DCTN5: variants seen among roughly 807,000 people sequenced by gnomAD.
DCTN5 encodes the protein dynactin subunit 5, also known as dynactin 4.
DCTN5 carries 14 observed loss-of-function variants against 23.5 expected under a neutral mutation model. That is an observed-to-expected ratio of 0.60 (90% confidence interval 0.39 to 0.93). The LOEUF is 0.93. Ranked by LOEUF, DCTN5 falls within the 40% of genes least tolerant of loss-of-function variation. The pLI, the probability that DCTN5 is intolerant of heterozygous loss-of-function variation, is 0.00. For missense variants in DCTN5, 156 were observed against 225.9 expected (o/e 0.69, Z 1.98); for synonymous variants, 67 against 79.6 (o/e 0.84, Z 0.84).
chr16:23,648,257 C>A (rs1202871545), intron 2 of DCTN5, among the ~76,000 whole-genome samples: 1 of 151,830 alleles, frequency 6.6e-6, no homozygotes, highest in African/African-American at 2.4e-5. Flanking sequence ...CCAGGCCAGG[C>A]TCAGGCGAAC....
At chr16:23,646,422 G>C (rs2140972729) in intron 2 of DCTN5, among the ~76,000 whole-genome samples, 1 of 152,172 alleles carries the variant, frequency 6.6e-6, no homozygotes, top group East Asian at 1.9e-4. Flanking sequence ...TAATTTTGAA[G>C]TCTGGTTTAT....
At chr16:23,652,750 A>G (rs1967628320) in intron 2 of DCTN5, among the ~76,000 whole-genome samples, 1 of 152,222 alleles carries the variant, frequency 6.6e-6, no homozygotes, top group Admixed American at 6.5e-5. Flanking sequence ...AATTAGAATC[A>G]CAAGCCCTTT....
chr16:23,655,538 G>T (rs571222918), intron 2 of DCTN5, among the ~76,000 whole-genome samples: 1 of 151,320 alleles, frequency 6.6e-6, no homozygotes, highest in Admixed American at 6.6e-5. Context: ...ACCATGCCCT[G>T]CTTAATTTTT....
In DCTN5 at chr16:23,665,640, G is replaced by C; in HGVS notation, c.363G>C (p.Val121=). Reference sequence around the variant, plus strand: ...TTTAATTTCAGGGGCGCCGATGTGTGTTGAAAGACTGCTGCAAAATTCTTG... The same window carrying C: ...TTTAATTTCAGGGGCGCCGATGTGTCTTGAAAGACTGCTGCAAAATTCTTG... The part of the protein sequence containing the change: ...GKNCVIGRRC[V]LKDCCKILDN... Residue 121 remains valine, a synonymous_variant, in exon 5 of 6, where the codon GTG becomes GTC. Transcript: ENST00000300087. The C allele has an allele frequency of 6.2e-7, 1 of 1,613,716 alleles. No individual in the cohort carries two copies. Among genetic ancestry groups the C allele is most frequent in the Non-Finnish European group, 8.5e-7 (1 of 1,179,948 alleles).
At position 23,667,355 on chromosome 16, in the gene DCTN5, T is replaced by G; in HGVS notation, c.*211T>G. 6.7e-6 allele frequency: 4 copies of G among 599,292 alleles called. No homozygotes were observed. The highest frequency in any genetic ancestry group is 1.2e-5 in the Non-Finnish European group (4 of 341,536). The allele number at this position is 599,292 out of a possible 1,614,324, so 37.1% of individuals were successfully genotyped here. A position where few individuals can be genotyped will look rare whatever the true frequency, so the allele number is the denominator to read the frequency against. On this transcript the variant is annotated 3_prime_UTR_variant, in exon 6 of 6. Coordinates refer to ENST00000300087, the MANE Select transcript of DCTN5 (RefSeq NM_032486.4). The stretch of plus-strand genomic sequence containing the variant: ...ACCATCTGGAGGAGCTGTCTTCAAA[T>G]GCTGTGCTTACACCTTATCTATGAA...
intron 1 of DCTN5, among the ~76,000 whole-genome samples, chr16:23,642,078 C>A (rs1239077479): frequency 5.3e-5 from 8 of 152,058 alleles, no homozygotes; most frequent in African/African-American, 1.7e-4. Flanking sequence ...ATTACAGGCG[C>A]CCGCCACCAC....
chr16:23,656,880 A>G (rs987938258), intron 2 of DCTN5, among the ~76,000 whole-genome samples: 2 of 151,824 alleles, frequency 1.3e-5, no homozygotes, highest in African/African-American at 4.8e-5. Flanking sequence ...CATCCCAGCT[A>G]CTGGGGAGGC....
chr16:23,651,937 A>G (rs1967613644), intron 2 of DCTN5, among the ~76,000 whole-genome samples: 1 of 152,222 alleles, frequency 6.6e-6, no homozygotes, highest in South Asian at 2.1e-4. Context: ...CAGGAGGCTG[A>G]GGCAAGAGAA....
intron 2 of DCTN5, among the ~76,000 whole-genome samples, chr16:23,649,532 T>G (rs181221045): frequency 1.3e-5 from 2 of 152,176 alleles, no homozygotes; most frequent in Admixed American, 1.3e-4. Flanking sequence ...CAGGCCTTCA[T>G]TTAGGTCTTT....
In DCTN5 at chr16:23,658,535, G is replaced by A. The variant is rs773822052; in HGVS notation, c.146G>A (p.Arg49Gln). 6.8e-6 allele frequency: 11 copies of A among 1,613,962 alleles called. No individual in the cohort carries two copies. Among genetic ancestry groups the A allele is most frequent in the Admixed American group, 1.7e-5 (1 of 60,004 alleles). ...ATTGTGATGAATGACTGTATTATCC[G>A]AGGGGATCTGGCAAATGTAAGAGTT... ...KTIVMNDCII[R>Q]GDLANVRVGR... The change falls in exon 3 of 6, where the codon CGA (arginine) becomes CAA (glutamine). Residue 49 changes from arginine (R) to glutamine (Q), a missense_variant. Physicochemically the swap from Arg to Gln is conservative, Grantham distance 43. This residue lies in a region of DCTN5 where 153 missense variants were observed against 206.8 expected (regional missense o/e 0.74). Coordinates refer to ENST00000300087, the MANE Select transcript of DCTN5 (RefSeq NM_032486.4).
chr16:23,661,048 T>A (rs1041366523), intron 3 of DCTN5, 122 bp from the exon 4 acceptor site: 7 of 519,146 alleles, frequency 1.3e-5, no homozygotes, highest in Non-Finnish European at 2.3e-5. Flanking sequence ...GAGGTTTCTT[T>A]CCTTGCTGGG....
intron 2 of DCTN5, among the ~76,000 whole-genome samples, chr16:23,649,918 T>C (rs1004880379): frequency 6.6e-6 from 1 of 152,112 alleles, no homozygotes; most frequent in Admixed American, 6.5e-5. Context: ...CTTCTGCTTA[T>C]GGATATGCTG....
At position 23,667,245 on chromosome 16, in the gene DCTN5, C is replaced by CT; in HGVS notation, c.*102dup. 1 of 1,436,454 alleles carries CT rather than the reference C, an allele frequency of 7.0e-7. No homozygotes were observed. Among genetic ancestry groups the CT allele is most frequent in the Non-Finnish European group, 9.6e-7 (1 of 1,045,726 alleles). The allele number at this position is 1,436,454 out of a possible 1,614,324, so 89.0% of individuals were successfully genotyped here. A position where few individuals can be genotyped will look rare whatever the true frequency, so the allele number is the denominator to read the frequency against. ...CAAAGAGCTTTTGTGTCTTTGACATCTACCACCCTCCTCCTTTTAAAAAAT... is the reference window on the plus strand; with the variant it reads ...CAAAGAGCTTTTGTGTCTTTGACATCTTACCACCCTCCTCCTTTTAAAAAAT... On this transcript the variant is annotated 3_prime_UTR_variant, in exon 6 of 6. Transcript: ENST00000300087.
intron 2 of DCTN5, among the ~76,000 whole-genome samples, chr16:23,651,516 G>A (rs993431410): frequency 6.6e-6 from 1 of 152,122 alleles, no homozygotes; most frequent in Non-Finnish European, 1.5e-5. Flanking sequence ...TAAGCTTGTT[G>A]TACTTATTTA....
intron 3 of DCTN5, among the ~76,000 whole-genome samples, chr16:23,660,470 G>T (rs2140984432): frequency 6.6e-6 from 1 of 152,330 alleles, no homozygotes; most frequent in South Asian, 2.1e-4. Context: ...TGGGAATGAT[G>T]TCAGATATCT....
Position 23,676,226 on chromosome 16 carries a change from G to T in DCTN5, c.*9082G>T. ...AAAAAAAGGTTCAGACAGCAATTAA[G>T]GGCTGGGCACGGTGGCTCATGCCTG... On this transcript the variant is annotated 3_prime_UTR_variant, in exon 6 of 6. Transcript: ENST00000300087. The T allele has an allele frequency of 6.6e-6, 1 of 151,718 alleles. No individual in the cohort carries two copies. Among genetic ancestry groups the T allele is most frequent in the Non-Finnish European group, 1.5e-5 (1 of 68,024 alleles). The allele number at this position is 151,718 out of a possible 1,614,324, so 9.4% of individuals were successfully genotyped here.
At chr16:23,646,796 A>G (rs1967470113) in intron 2 of DCTN5, among the ~76,000 whole-genome samples, 1 of 152,002 alleles carries the variant, frequency 6.6e-6, no homozygotes, top group African/African-American at 2.4e-5. Context: ...GGCTGGTCTC[A>G]AACTCCCGAC....
intron 2 of DCTN5, chr16:23,651,128 A>C: frequency 7.9e-7 from 1 of 1,267,948 alleles, no homozygotes. Flanking sequence ...AATAATAAAA[A>C]TGCTGCATGA....
intron 2 of DCTN5, among the ~76,000 whole-genome samples, chr16:23,644,664 C>T (rs1213903465): frequency 6.6e-6 from 1 of 150,912 alleles, no homozygotes; most frequent in Non-Finnish European, 1.5e-5. Context: ...TTGAACTCCT[C>T]ACCTCAGATG....
Sources: allele counts gnomAD v4.1 joint callset (sites outside exome capture counted in the v4.1 genomes callset), GRCh38; gene constraint gnomAD v4.1.1; regional missense constraint gnomAD v4.1.1; transcripts MANE v1.5; gene names NCBI Gene and HGNC (gene_info 2026-07-23, HGNC 2026-07-21).